ABI1: variants seen among roughly 807,000 people sequenced by gnomAD.
ABI1 encodes Abelson interactor 1.
ABI1 carries 14 observed loss-of-function variants against 54.6 expected under a neutral mutation model. That is an observed-to-expected ratio of 0.26 (90% CI 0.17 to 0.40). The LOEUF is 0.40. Among genes scored for constraint, ABI1 ranks in the 10% least tolerant of loss-of-function variants. The pLI is 1.00. For missense variants in ABI1, 443 were observed against 598.3 expected, an observed-to-expected ratio of 0.74 and a Z score of 2.71; for synonymous variants, 194 against 209.3, an observed-to-expected ratio of 0.93 and a Z score of 0.63.
At chr10:26,847,772 T>C (rs540004590) in intron 1 of ABI1, among the ~76,000 whole-genome samples, 1 of 152,150 alleles carries the variant, frequency 6.6e-6, no homozygotes, top group African/African-American at 2.4e-5. Context: ...ACATAAAATG[T>C]ATATAATAAA....
At chr10:26,812,975 G>A (rs1340450801) in intron 2 of ABI1, among the ~76,000 whole-genome samples, 1 of 152,118 alleles carries the variant, frequency 6.6e-6, no homozygotes, top group Non-Finnish European at 1.5e-5. Flanking sequence ...ATGGCCAGAC[G>A]TGGTGGCTCA....
In ABI1 at chr10:26,831,724, G is replaced by A. The variant is rs564282574; in HGVS notation, c.118-8419C>T. 2.9e-5 allele frequency among the ~76,000 whole-genome samples: 3 copies of A among 103,148 alleles called. No homozygotes were observed. The South Asian group carries it at 9.5e-4, about 32-fold the overall frequency. The allele number at this position is 103,148 out of a possible 152,430, so 67.7% of individuals were successfully genotyped here. A position where few individuals can be genotyped will look rare whatever the true frequency, so the allele number is the denominator to read the frequency against. On this transcript the variant is annotated intron_variant, in intron 1 of 10. Coordinates refer to ENST00000376140, the MANE Select transcript of ABI1 (RefSeq NM_001012750.3). ...CATAGAAATTATTTTTTAAATCCAG[G>A]TATCTTGTAAAAAAAATCCTACAAC...
In ABI1 at chr10:26,747,776, T is replaced by C. The variant is rs1190527369; in HGVS notation, c.*794A>G. 5.1e-6 allele frequency: 1 copy of C among 195,914 alleles called. No individual in the cohort carries two copies. Among genetic ancestry groups the C allele is most frequent in the Non-Finnish European group, 1.1e-5 (1 of 94,732 alleles). The allele number at this position is 195,914 out of a possible 1,614,324, so 12.1% of individuals were successfully genotyped here. On this transcript the variant is annotated 3_prime_UTR_variant, in exon 11 of 11. Coordinates refer to ENST00000376140, the MANE Select transcript of ABI1 (RefSeq NM_001012750.3). ...AGATTAAGATAAGGCTAAAATTTTTTTCCAAGTTAACATATTGAGAAAATA... is the reference window on the plus strand; with the variant it reads ...AGATTAAGATAAGGCTAAAATTTTTCTCCAAGTTAACATATTGAGAAAATA...
intron 1 of ABI1, among the ~76,000 whole-genome samples, chr10:26,848,829 G>A (rs895933536): frequency 2.6e-5 from 4 of 151,404 alleles, no homozygotes; most frequent in South Asian, 2.1e-4. Context: ...GGCTGGTCTC[G>A]AACTCCTGAC....
chr10:26,842,573 C>G (rs533884516), intron 1 of ABI1, among the ~76,000 whole-genome samples: 3 of 152,150 alleles, frequency 2.0e-5, no homozygotes, highest in Admixed American at 2.0e-4. Flanking sequence ...CCCTCTCCCC[C>G]TAAAAAGATG....
chr10:26,768,648 G>A lies in ABI1; in HGVS notation c.719+204C>T, dbSNP rs181335216. On this transcript the variant is annotated intron_variant, in intron 6 of 10. Transcript: ENST00000376140. ...CAATCCATTAATAGTACAAATAGAT[G>A]TTTTAAAAAGTTAAAAAAACAAAAC... 7.2e-5 allele frequency among the ~76,000 whole-genome samples: 11 copies of A among 152,098 alleles called. No homozygotes were observed. In the East Asian group the frequency reaches 1.4e-3, roughly 19 times the overall value.
At chr10:26,789,698 G>A (rs996392035) in intron 2 of ABI1, among the ~76,000 whole-genome samples, 2 of 151,978 alleles carry the variant, frequency 1.3e-5, no homozygotes, top group Non-Finnish European at 2.9e-5. Flanking sequence ...ATGTGTCATG[G>A]GTGTTTGTTG....
At chr10:26,774,638 T>G (rs1841153110) in intron 3 of ABI1, among the ~76,000 whole-genome samples, 1 of 152,102 alleles carries the variant, frequency 6.6e-6, no homozygotes, top group Non-Finnish European at 1.5e-5. Context: ...ACCGTTTATT[T>G]CATAGCATAA....
chr10:26,761,746 A>T (rs1423125929), intron 7 of ABI1, among the ~76,000 whole-genome samples: 1 of 149,564 alleles, frequency 6.7e-6, no homozygotes, highest in Non-Finnish European at 1.5e-5. Context: ...ATCAATCTGT[A>T]CATATTGTTG....
At chr10:26,794,629 T>G (rs1224232116) in intron 2 of ABI1, among the ~76,000 whole-genome samples, 2 of 151,412 alleles carry the variant, frequency 1.3e-5, no homozygotes, top group Non-Finnish European at 2.9e-5. Context: ...AGTTATCAAC[T>G]TCACACAGTT....
At chr10:26,758,036 C>G (rs1838545376) in intron 8 of ABI1, among the ~76,000 whole-genome samples, 1 of 140,040 alleles carries the variant, frequency 7.1e-6, no homozygotes, top group South Asian at 2.3e-4. Flanking sequence ...CCACTGCACT[C>G]CAGCCTGGGC....
At chr10:26,771,155 G>A in intron 3 of ABI1, 66 bp from the exon 4 acceptor site, 1 of 1,537,406 alleles carries the variant, frequency 6.5e-7, no homozygotes, top group Non-Finnish European at 9.0e-7. Flanking sequence ...ATATCCGATA[G>A]GACAGGTTTA....
chr10:26,782,371 A>C (rs2219796), intron 2 of ABI1, among the ~76,000 whole-genome samples: 86,764 of 151,680 alleles, frequency 0.57, 26,787 homozygotes, highest in African/African-American at 0.82. Context: ...ACAACAACAA[A>C]AAAAAAAACC....
At chr10:26,810,342 C>T (rs974571355) in intron 2 of ABI1, among the ~76,000 whole-genome samples, 1 of 152,136 alleles carries the variant, frequency 6.6e-6, no homozygotes, top group Non-Finnish European at 1.5e-5. Context: ...TCTGCACCAG[C>T]CCCACTCTTC....
chr10:26,785,299 T>C (rs922507511), intron 2 of ABI1, among the ~76,000 whole-genome samples: 3 of 152,262 alleles, frequency 2.0e-5, no homozygotes, highest in Non-Finnish European at 1.5e-5. Context: ...GTAGAGGGAC[T>C]GACTCATTTT....
intron 1 of ABI1, among the ~76,000 whole-genome samples, chr10:26,836,466 A>G (rs2049085892): frequency 6.6e-6 from 1 of 152,172 alleles, no homozygotes; most frequent in African/African-American, 2.4e-5. Flanking sequence ...AAACAGTGTG[A>G]CCTAATTTTG....
At chr10:26,826,629 T>G (rs1042681282) in intron 1 of ABI1, among the ~76,000 whole-genome samples, 2 of 152,244 alleles carry the variant, frequency 1.3e-5, no homozygotes, top group African/African-American at 4.8e-5. Flanking sequence ...GAAGACTGTT[T>G]CGTCTACATG....
chr10:26,835,920 T>C (rs2049039382), intron 1 of ABI1, among the ~76,000 whole-genome samples: 1 of 151,718 alleles, frequency 6.6e-6, no homozygotes, highest in Admixed American at 6.6e-5. Flanking sequence ...TGGCTAACTT[T>C]TTTTGCATTT....
chr10:26,796,784 G>A (rs907978659), intron 2 of ABI1, among the ~76,000 whole-genome samples: 7 of 152,196 alleles, frequency 4.6e-5, no homozygotes, highest in African/African-American at 1.2e-4. Flanking sequence ...ACCAGGGACC[G>A]GTTTTGTGGA....
Sources: gnomAD v4.1 joint callset for allele counts (sites outside exome capture counted in the v4.1 genomes callset) on GRCh38, gnomAD v4.1.1 for gene constraint, MANE v1.5 for transcripts, NCBI Gene and HGNC (gene_info 2026-07-23, HGNC 2026-07-21) for gene names.